GALNT14: variants seen among roughly 807,000 people sequenced by gnomAD.
The protein encoded by GALNT14 is UDP-GalNAc:polypeptide N-acetylgalactosaminyltransferase 14.
GALNT14 carries 60 observed loss-of-function variants against 77.5 expected under a neutral mutation model. The observed-to-expected ratio is 0.77, with a 90% CI of 0.63 to 0.96. The LOEUF (loss-of-function observed/expected upper bound fraction) is 0.96. Ranked by LOEUF, GALNT14 falls within the 40% of genes least tolerant of loss-of-function variation. GALNT14 has a pLI of 0.00. For synonymous variants in GALNT14, 280 were observed against 281.7 expected (o/e 0.99, Z 0.06); for missense variants, 710 against 731.0 (o/e 0.97, Z 0.33).
intron 1 of GALNT14, among the ~76,000 whole-genome samples, chr2:31,113,143 A>G (rs1295995067): frequency 6.6e-6 from 1 of 152,240 alleles, no homozygotes; most frequent in Non-Finnish European, 1.5e-5. Flanking sequence ...GGAAGTTTCT[A>G]TCATTCACTG....
chr2:31,093,368 A>G (rs540582270), intron 1 of GALNT14, among the ~76,000 whole-genome samples: 1 of 152,310 alleles, frequency 6.6e-6, no homozygotes, highest in African/African-American at 2.4e-5. Flanking sequence ...CTAGCTTGAG[A>G]TGGATTCTCT....
chr2:31,071,041 G>A (rs1264244482), intron 1 of GALNT14, among the ~76,000 whole-genome samples: 5 of 152,210 alleles, frequency 3.3e-5, no homozygotes, highest in Admixed American at 2.0e-4. Flanking sequence ...ATAAGTGGGA[G>A]CTAAGCTGTG....
intron 1 of GALNT14, among the ~76,000 whole-genome samples, chr2:31,127,898 T>C (rs1678775239): frequency 6.6e-6 from 1 of 152,196 alleles, no homozygotes; most frequent in Admixed American, 6.5e-5. Context: ...TACATTTCTT[T>C]TCATTCTTAT....
At chr2:31,086,611 A>G (rs981157167) in intron 1 of GALNT14, among the ~76,000 whole-genome samples, 1 of 152,126 alleles carries the variant, frequency 6.6e-6, no homozygotes, top group Non-Finnish European at 1.5e-5. Context: ...AACTAAGAAA[A>G]CGCATGAAGA....
intron 13 of GALNT14, among the ~76,000 whole-genome samples, chr2:30,914,269 C>T (rs536796304): frequency 6.6e-6 from 1 of 152,356 alleles, no homozygotes; most frequent in Admixed American, 6.5e-5. Context: ...CCCACACCAA[C>T]TTTCTCCAGC....
chr2:31,137,670 C>G (rs1024495732), intron 1 of GALNT14, among the ~76,000 whole-genome samples: 2 of 152,156 alleles, frequency 1.3e-5, no homozygotes, highest in East Asian at 3.9e-4. Context: ...AGAGCCCCCT[C>G]CGCCCCGGGA....
chr2:31,044,154 C>T (rs1673274918), intron 1 of GALNT14, among the ~76,000 whole-genome samples: 1 of 152,192 alleles, frequency 6.6e-6, no homozygotes, highest in South Asian at 2.1e-4. Flanking sequence ...CCTTTTAAAG[C>T]CACAGGTTGT....
At chr2:30,975,896 C>T (rs566202621) in intron 2 of GALNT14, among the ~76,000 whole-genome samples, 30 of 152,098 alleles carry the variant, frequency 2.0e-4, no homozygotes, top group Non-Finnish European at 2.9e-4. Context: ...TATTTAAACA[C>T]CAGAAAAGGC....
At chr2:31,029,059 ACT>A (rs1193644753) in intron 1 of GALNT14, among the ~76,000 whole-genome samples, 1 of 152,122 alleles carries the variant, frequency 6.6e-6, no homozygotes, top group Non-Finnish European at 1.5e-5. Context: ...CATTTCTCAA[ACT>A]GCCCCACCCA....
intron 1 of GALNT14, among the ~76,000 whole-genome samples, chr2:31,070,392 G>A (rs1158451310): frequency 6.6e-6 from 1 of 152,190 alleles, no homozygotes; most frequent in Non-Finnish European, 1.5e-5. Flanking sequence ...AGGCTGTCCT[G>A]TCCTCAGGAA....
chr2:30,924,607 AC>A, intron 12 of GALNT14, 132 bp downstream of exon 12: 2 of 694,974 alleles, frequency 2.9e-6, no homozygotes, highest in East Asian at 5.4e-5. Context: ...AACGGAGCCA[AC>A]TGGTCTTCTT....
intron 4 of GALNT14, among the ~76,000 whole-genome samples, chr2:30,957,961 G>A (rs2148324105): frequency 6.6e-6 from 1 of 152,314 alleles, no homozygotes; most frequent in South Asian, 2.1e-4. Context: ...TTCTTGGAGA[G>A]AGTGGATTTG....
chr2:30,936,579 A>G (rs1024652992), intron 9 of GALNT14, among the ~76,000 whole-genome samples: 24 of 152,200 alleles, frequency 1.6e-4, no homozygotes, highest in Non-Finnish European at 2.2e-4. Context: ...ACTGTCATTC[A>G]TAAGTCCACA....
chr2:30,895,241 T>C, the GALNT14 span, among the ~76,000 whole-genome samples: 773 of 152,220 alleles, frequency 5.1e-3, 4 homozygotes, highest in African/African-American at 0.017. Flanking sequence ...GGGGGTCCCA[T>C]TCTCTGAGGA....
intron 6 of GALNT14, among the ~76,000 whole-genome samples, chr2:30,952,338 T>C (rs1350996008): frequency 6.6e-6 from 1 of 151,666 alleles, no homozygotes; most frequent in Non-Finnish European, 1.5e-5. Context: ...TTATTCACAA[T>C]AGCAAAGACG....
chr2:31,116,322 C>T (rs932297284), intron 1 of GALNT14, among the ~76,000 whole-genome samples: 4 of 151,956 alleles, frequency 2.6e-5, no homozygotes, highest in African/African-American at 9.7e-5. Context: ...ATAAGCTGAA[C>T]ATTCTTATTA....
At chr2:31,084,618 T>C (rs768364606) in intron 1 of GALNT14, among the ~76,000 whole-genome samples, 1 of 152,202 alleles carries the variant, frequency 6.6e-6, no homozygotes, top group Non-Finnish European at 1.5e-5. Context: ...ACTGGAATAA[T>C]GGGTCTCTCT....
chr2:31,025,346 G>T (rs1671975113), intron 1 of GALNT14, among the ~76,000 whole-genome samples: 1 of 152,134 alleles, frequency 6.6e-6, no homozygotes, highest in East Asian at 1.9e-4. Context: ...GCAGGGTCTG[G>T]ATCTCATGAC....
chr2:30,954,665 C>T (rs1489295471), intron 6 of GALNT14, among the ~76,000 whole-genome samples: 1 of 152,186 alleles, frequency 6.6e-6, no homozygotes, highest in Non-Finnish European at 1.5e-5. Context: ...TAGCTTGATT[C>T]TTTAGTCCTC....
Sources: gnomAD v4.1 joint callset for allele counts (sites outside exome capture counted in the v4.1 genomes callset) on GRCh38, gnomAD v4.1.1 for gene constraint, MANE v1.5 for transcripts, NCBI Gene and HGNC (gene_info 2026-07-23, HGNC 2026-07-21) for gene names.